The following WWTR1 variants were observed in gnomAD, a reference collection of about 807,000 sequenced individuals.
WWTR1 encodes the protein WW domain-containing transcription regulator protein 1.
In WWTR1, 13 loss-of-function variants were observed where a neutral mutation model predicts 40.1. The ratio of observed to expected loss-of-function variants is 0.32; its 90% confidence interval spans 0.21 to 0.52. WWTR1 has a LOEUF of 0.52. WWTR1 is among the 20% of genes least tolerant of loss of function. The pLI is 0.97. For missense variants in WWTR1, 436 were observed against 523.1 expected, an observed-to-expected ratio of 0.83 and a Z score of 1.63; for synonymous variants, 230 against 210.1, an observed-to-expected ratio of 1.09 and a Z score of -0.82.
rs1576646448 is a variant in WWTR1, at chr3:149,701,459, C to A, written c.-108+1665G>T. The A allele has an allele frequency of 3.3e-5, 6 of 184,392 alleles. No individual in the cohort carries two copies. In the South Asian group the frequency reaches 1.2e-3, roughly 36 times the overall value. The allele number at this position is 184,392 out of a possible 1,614,324, so 11.4% of individuals were successfully genotyped here. A position where few individuals can be genotyped will look rare whatever the true frequency, so the allele number is the denominator to read the frequency against. ...CTGGGCTGGACTTCCCATTCTCCAC[C>A]GGCAGCTCCAGTATCCCAAACTTTC... On this transcript the variant is annotated intron_variant, in intron 1 of 7. Transcript: ENST00000465804.
intron 1 of WWTR1, among the ~76,000 whole-genome samples, chr3:149,672,962 T>C (rs986696909): frequency 2.0e-5 from 3 of 152,270 alleles, no homozygotes; most frequent in Non-Finnish European, 2.9e-5. Flanking sequence ...TTAGAACTTT[T>C]ATTGTTAACT....
chr3:149,704,167 A>G (rs1384309730), upstream of WWTR1, among the ~76,000 whole-genome samples: 7 of 152,316 alleles, frequency 4.6e-5, no homozygotes, highest in East Asian at 1.4e-3. Context: ...AAAAATGCTG[A>G]TTAAAGATGG....
chr3:149,674,237 CT>C (rs1336524823), intron 1 of WWTR1, among the ~76,000 whole-genome samples: 1 of 147,786 alleles, frequency 6.8e-6, no homozygotes, highest in African/African-American at 2.5e-5. Context: ...CTGTCTCTGT[CT>C]CTCTCTCTCT....
chr3:149,707,952 T>C (rs143837381), upstream of WWTR1, among the ~76,000 whole-genome samples: 827 of 147,350 alleles, frequency 5.6e-3, 7 homozygotes, highest in African/African-American at 0.018. Flanking sequence ...AATACTGTTC[T>C]CCTAAACTAG....
At chr3:149,711,093 G>A (rs1208085395) in intron 5 of WWTR1, among the ~76,000 whole-genome samples, 1 of 151,470 alleles carries the variant, frequency 6.6e-6, no homozygotes, top group Admixed American at 6.6e-5. Flanking sequence ...TTCATTTACG[G>A]GCACAGTTAG....
intron 1 of WWTR1, among the ~76,000 whole-genome samples, chr3:149,683,152 A>T (rs559910578): frequency 7.3e-4 from 111 of 152,304 alleles, no homozygotes; most frequent in Non-Finnish European, 1.4e-3. Context: ...ACATCTTTTC[A>T]TTTCATCCTC....
upstream of WWTR1, among the ~76,000 whole-genome samples, chr3:149,708,123 G>A (rs764235779): frequency 3.3e-5 from 5 of 152,078 alleles, no homozygotes; most frequent in Admixed American, 6.6e-5. Flanking sequence ...ATAGAACACC[G>A]TACCTGGACA....
chr3:149,601,583 C>T (rs1739243006), intron 2 of WWTR1, among the ~76,000 whole-genome samples: 1 of 152,282 alleles, frequency 6.6e-6, no homozygotes, highest in Non-Finnish European at 1.5e-5. Flanking sequence ...GGTCAATCCC[C>T]TTGGGAACTT....
At chr3:149,526,386 G>A (rs1049591303) in intron 5 of WWTR1, among the ~76,000 whole-genome samples, 2 of 151,558 alleles carry the variant, frequency 1.3e-5, no homozygotes, top group Non-Finnish European at 2.9e-5. Context: ...AACATACAGA[G>A]TATGACACCA....
chr3:149,580,315 AC>A (rs1738082644), intron 2 of WWTR1, among the ~76,000 whole-genome samples: 1 of 152,198 alleles, frequency 6.6e-6, no homozygotes, highest in African/African-American at 2.4e-5. Context: ...AAGAACAAAG[AC>A]AGGGGTGGTA....
chr3:149,723,416 G>A (rs545126770), intron 4 of WWTR1, among the ~76,000 whole-genome samples: 8 of 152,010 alleles, frequency 5.3e-5, no homozygotes, highest in Non-Finnish European at 8.8e-5. Context: ...TTAAACTCCC[G>A]ACCTCAGGTG....
intron 1 of WWTR1, among the ~76,000 whole-genome samples, chr3:149,695,956 A>G (rs547697798): frequency 6.7e-6 from 1 of 150,224 alleles, no homozygotes; most frequent in South Asian, 2.1e-4. Flanking sequence ...ACCAAAAAAT[A>G]CAAAAAATTA....
chr3:149,638,072 C>G (rs1455979500), intron 2 of WWTR1, among the ~76,000 whole-genome samples: 1 of 151,986 alleles, frequency 6.6e-6, no homozygotes, highest in Non-Finnish European at 1.5e-5. Flanking sequence ...AAAAATTAGC[C>G]AGGCGTGGTG....
At position 149,656,945 on chromosome 3, in the gene WWTR1, G is replaced by C; in HGVS notation, c.362C>G (p.Thr121Ser). ...AHLRQQSYDV[T>S]DELPLPPGWE... Reference sequence around the variant, plus strand: ...GCCCGGGGGCAGTGGCAGCTCGTCGGTCACGTCGTAGGACTGCTGGCGGAG... The same window carrying C: ...GCCCGGGGGCAGTGGCAGCTCGTCGCTCACGTCGTAGGACTGCTGGCGGAG... Residue 121 changes from threonine (T) to serine (S), a missense_variant, in exon 2 of 7, where the codon ACC becomes AGC. Coordinates refer to ENST00000360632, the MANE Select transcript of WWTR1 (RefSeq NM_015472.6). The C allele has an allele frequency of 6.3e-7, 1 of 1,579,214 alleles. No homozygotes were observed. The highest frequency in any genetic ancestry group is 8.6e-7 in the Non-Finnish European group (1 of 1,166,096).
chr3:149,645,064 G>A (rs969719717), intron 2 of WWTR1, among the ~76,000 whole-genome samples: 2 of 151,094 alleles, frequency 1.3e-5, no homozygotes, highest in Non-Finnish European at 2.9e-5. Context: ...TGTTGGCCAG[G>A]CTGCTCTTTT....
intron 2 of WWTR1, among the ~76,000 whole-genome samples, chr3:149,575,216 T>C (rs569428369): frequency 6.6e-6 from 1 of 152,348 alleles, no homozygotes; most frequent in Middle Eastern, 3.4e-3. Flanking sequence ...CAATTGTAGT[T>C]CTGTTTAAAG....
chr3:149,576,270 C>T (rs114152857), intron 2 of WWTR1: 3 of 353,178 alleles, frequency 8.5e-6, no homozygotes, highest in African/African-American at 6.4e-5. Flanking sequence ...ATGATTTCAT[C>T]TGAAAACTAA....
At position 149,619,817 on chromosome 3, in the gene WWTR1, C is replaced by T. The variant is rs180800805; in HGVS notation, c.431+37059G>A. Among the ~76,000 whole-genome samples the T allele has an allele frequency of 2.5e-3, 384 of 152,248 alleles. 1 individual carries two copies. Among genetic ancestry groups the T allele is most frequent in the Non-Finnish European group, 3.9e-3 (267 of 68,016 alleles). On this transcript the variant is annotated intron_variant, in intron 2 of 6. Coordinates refer to ENST00000360632, the MANE Select transcript of WWTR1 (RefSeq NM_015472.6). ...AAATGTGGTGGCCCCAGTAATATTG[C>T]CTTCTTGGGTTGCTGGTTAATCCTC...
At chr3:149,555,224 T>C (rs1736771530) in intron 3 of WWTR1, among the ~76,000 whole-genome samples, 2 of 152,228 alleles carry the variant, frequency 1.3e-5, no homozygotes, top group Admixed American at 1.3e-4. Flanking sequence ...AATGTGTGCA[T>C]GTGTTTTTTA....
Sources: gnomAD v4.1 joint callset for allele counts (sites outside exome capture counted in the v4.1 genomes callset) on GRCh38, gnomAD v4.1.1 for gene constraint, MANE v1.5 for transcripts, NCBI Gene and HGNC (gene_info 2026-07-23, HGNC 2026-07-21) for gene names.